The following SLC4A4 variants were observed in gnomAD, a reference collection of about 807,000 sequenced individuals.
SLC4A4 encodes the protein solute carrier family 4 member 4.
SLC4A4 carries 27 observed loss-of-function variants against 111.5 expected under a neutral mutation model. The observed-to-expected ratio is 0.24, with a 90% confidence interval of 0.18 to 0.33. The LOEUF (loss-of-function observed/expected upper bound fraction) is 0.33, where lower values mean the gene tolerates loss of function less well. Ranked by LOEUF, SLC4A4 falls within the 10% of genes least tolerant of loss-of-function variation. SLC4A4 has a pLI of 1.00. For missense variants in SLC4A4, 909 were observed against 1,315.5 expected, an observed-to-expected ratio of 0.69 and a Z score of 4.78; for synonymous variants, 443 against 463.4, an observed-to-expected ratio of 0.96 and a Z score of 0.57.
chr4:71,125,099 T>G (rs929356576), intron 2 of SLC4A4, among the ~76,000 whole-genome samples: 2 of 152,224 alleles, frequency 1.3e-5, no homozygotes, highest in Non-Finnish European at 2.9e-5. Flanking sequence ...TATTGTGATA[T>G]TTTTCTATTT....
intron 2 of SLC4A4, among the ~76,000 whole-genome samples, chr4:71,168,808 A>G (rs184320794): frequency 6.6e-6 from 1 of 152,118 alleles, no homozygotes; most frequent in African/African-American, 2.4e-5. Context: ...TTAAGGCTGA[A>G]TAGTACTCCA....
intron 16 of SLC4A4, among the ~76,000 whole-genome samples, chr4:71,515,406 G>A (rs1289173439): frequency 1.3e-5 from 2 of 152,086 alleles, no homozygotes. Flanking sequence ...GGTCAGTCCT[G>A]GATAACATTC....
intron 22 of SLC4A4, 86 bp from the exon 23 acceptor site, chr4:71,560,007 T>C: frequency 9.8e-7 from 1 of 1,024,514 alleles, no homozygotes; most frequent in Non-Finnish European, 1.5e-6. Context: ...AGTAGGTTTC[T>C]GTGGTCTTTG....
At chr4:71,475,845 G>C (rs1728317759) in intron 14 of SLC4A4, among the ~76,000 whole-genome samples, 1 of 151,820 alleles carries the variant, frequency 6.6e-6, no homozygotes, top group Admixed American at 6.6e-5. Context: ...TCAACTGTTA[G>C]CTGCCATTAT....
intron 2 of SLC4A4, among the ~76,000 whole-genome samples, chr4:71,143,631 G>T (rs1744074653): frequency 6.6e-6 from 1 of 152,118 alleles, no homozygotes; most frequent in African/African-American, 2.4e-5. Context: ...ACTTTTTAAT[G>T]ATCGCCATTC....
intron 14 of SLC4A4, among the ~76,000 whole-genome samples, chr4:71,475,983 T>G (rs1301310395): frequency 6.6e-6 from 1 of 151,808 alleles, no homozygotes; most frequent in East Asian, 1.9e-4. Context: ...TGGCCCATTA[T>G]GCAACAAGAC....
chr4:71,365,993 T>C (rs1165120323), intron 6 of SLC4A4, among the ~76,000 whole-genome samples: 1 of 152,122 alleles, frequency 6.6e-6, no homozygotes, highest in Non-Finnish European at 1.5e-5. Context: ...TCATATGTAA[T>C]AATGTGATGG....
At chr4:71,383,801 T>C (rs1718397648) in intron 6 of SLC4A4, among the ~76,000 whole-genome samples, 3 of 152,230 alleles carry the variant, frequency 2.0e-5, no homozygotes, top group Non-Finnish European at 4.4e-5. Flanking sequence ...TAATAACATA[T>C]TGGCATAATT....
chr4:71,125,854 A>G (rs1743547169), intron 2 of SLC4A4, among the ~76,000 whole-genome samples: 1 of 152,238 alleles, frequency 6.6e-6, no homozygotes. Flanking sequence ...TCAGATGAAC[A>G]TCTATTTAGA....
At chr4:71,537,938 G>A (rs1010627188) in intron 18 of SLC4A4, among the ~76,000 whole-genome samples, 15 of 152,022 alleles carry the variant, frequency 9.9e-5, no homozygotes, top group South Asian at 2.1e-4. Context: ...GCTTCTTCGC[G>A]TGGCTGTTGT....
At chr4:71,213,053 A>G (rs1221506001) in intron 1 of SLC4A4, among the ~76,000 whole-genome samples, 2 of 152,342 alleles carry the variant, frequency 1.3e-5, no homozygotes, top group East Asian at 3.9e-4. Context: ...GCAATAGGTT[A>G]TACCACATAG....
chr4:71,296,651 T>C (rs1378512958), intron 3 of SLC4A4, among the ~76,000 whole-genome samples: 1 of 152,214 alleles, frequency 6.6e-6, no homozygotes, highest in Non-Finnish European at 1.5e-5. Flanking sequence ...ACTATATGTA[T>C]TGTCTCCATA....
intron 11 of SLC4A4, among the ~76,000 whole-genome samples, chr4:71,452,854 C>T (rs960786176): frequency 6.6e-6 from 1 of 152,184 alleles, no homozygotes; most frequent in African/African-American, 2.4e-5. Flanking sequence ...AAAATTTCAA[C>T]CACCTTTTTT....
intron 2 of SLC4A4, among the ~76,000 whole-genome samples, chr4:71,108,725 C>T (rs1743009710): frequency 6.6e-6 from 1 of 152,064 alleles, no homozygotes; most frequent in South Asian, 2.1e-4. Context: ...TTCAACTGTT[C>T]TTCCAACCCC....
At chr4:71,461,410 A>G (rs929331443) in intron 12 of SLC4A4, among the ~76,000 whole-genome samples, 3 of 152,200 alleles carry the variant, frequency 2.0e-5, no homozygotes, top group African/African-American at 7.2e-5. Context: ...TATTAATCCA[A>G]ATAATAAAGT....
intron 20 of SLC4A4, among the ~76,000 whole-genome samples, chr4:71,552,870 T>C (rs1736149679): frequency 6.6e-6 from 1 of 151,860 alleles, no homozygotes; most frequent in Admixed American, 6.6e-5. Context: ...ATTATACTGG[T>C]TTAACTTAAG....
intron 3 of SLC4A4, among the ~76,000 whole-genome samples, chr4:71,289,467 T>C (rs955162353): frequency 6.6e-6 from 1 of 152,206 alleles, no homozygotes; most frequent in Non-Finnish European, 1.5e-5. Context: ...AGAACTAAAA[T>C]GTTATTATGC....
chr4:71,255,723 AAAG>A, intron 3 of SLC4A4, among the ~76,000 whole-genome samples: 1 of 152,224 alleles, frequency 6.6e-6, no homozygotes, highest in Non-Finnish European at 1.5e-5. Context: ...GAAGACTCTT[AAAG>A]AATTTTTTGC....
chr4:71,153,475 C>G (rs979014372), intron 2 of SLC4A4, among the ~76,000 whole-genome samples: 2 of 152,118 alleles, frequency 1.3e-5, no homozygotes, highest in Admixed American at 1.3e-4. Context: ...GTTTTGAAAC[C>G]CAGCTCTCCT....
Sources: gnomAD v4.1 joint callset for allele counts (sites outside exome capture counted in the v4.1 genomes callset) on GRCh38, gnomAD v4.1.1 for gene constraint, MANE v1.5 for transcripts, NCBI Gene and HGNC (gene_info 2026-07-23, HGNC 2026-07-21) for gene names.